The following VAV2 variants were observed in gnomAD, a reference collection of about 807,000 sequenced individuals.
VAV2 encodes vav guanine nucleotide exchange factor 2.
VAV2 carries 67 observed loss-of-function variants against 132.5 expected under a neutral mutation model. The ratio of observed to expected loss-of-function variants is 0.51; its 90% CI spans 0.42 to 0.62. VAV2 has a LOEUF of 0.62. Among genes scored for constraint, VAV2 ranks in the 20% least tolerant of loss-of-function variants. The probability of loss-of-function intolerance (pLI) is 0.00; values close to 1 mark genes in which losing one functional copy is unlikely to be tolerated. For missense variants in VAV2, 938 were observed against 1,153.6 expected, an observed-to-expected ratio of 0.81 and a Z score of 2.71; for synonymous variants, 492 against 443.5, an observed-to-expected ratio of 1.11 and a Z score of -1.37.
At chr9:133,803,240 C>A (rs1206509603) in intron 9 of VAV2, among the ~76,000 whole-genome samples, 2 of 152,188 alleles carry the variant, frequency 1.3e-5, no homozygotes, top group Non-Finnish European at 2.9e-5. Context: ...GCCTTCGTCT[C>A]GTTCTGTTCT....
chr9:133,915,452 T>C (rs1840042267), intron 2 of VAV2, among the ~76,000 whole-genome samples: 1 of 152,138 alleles, frequency 6.6e-6, no homozygotes, highest in Non-Finnish European at 1.5e-5. Flanking sequence ...TGAGGAAGTC[T>C]CTACTGAAAA....
Position 133,969,590 on chromosome 9 carries a change from T to C in VAV2, c.204+22485A>G, listed in dbSNP as rs1273192342. ...GCTGCTGGGAGAACCCAGACATCCC[T>C]GCAACCTTGGCCAGTGGGGGACTTG... On this transcript the variant is annotated intron_variant, in intron 1 of 29. Coordinates refer to ENST00000371850, the MANE Select transcript of VAV2 (RefSeq NM_001134398.2). The surrounding 1 kb of genome is among the most constrained non-coding windows in gnomAD (Gnocchi z 5.1). Among the ~76,000 whole-genome samples the C allele has an allele frequency of 1.3e-5, 2 of 152,084 alleles. No homozygotes were observed. The highest frequency in any genetic ancestry group is 4.8e-5 in the African/African-American group (2 of 41,398).
intron 2 of VAV2, among the ~76,000 whole-genome samples, chr9:133,880,375 T>C (rs1838443304): frequency 6.6e-6 from 1 of 152,124 alleles, no homozygotes; most frequent in African/African-American, 2.4e-5. Flanking sequence ...CATGAGATGA[T>C]AAAGGCGGGC....
intron 3 of VAV2, among the ~76,000 whole-genome samples, chr9:133,859,587 T>C (rs1837516483): frequency 6.6e-6 from 1 of 152,152 alleles, no homozygotes; most frequent in Non-Finnish European, 1.5e-5. Flanking sequence ...TGACTGATTT[T>C]TTGTTGCATG....
intron 2 of VAV2, among the ~76,000 whole-genome samples, chr9:133,933,705 T>TGATG: frequency 8.0e-6 from 1 of 125,114 alleles, no homozygotes; most frequent in East Asian, 2.8e-4. Context: ...GATGGATGGA[T>TGATG]GGTGAGTGGG....
chr9:133,875,692 C>G lies in VAV2; in HGVS notation c.322-14260G>C, dbSNP rs1160491178. 3.9e-5 allele frequency among the ~76,000 whole-genome samples: 6 copies of G among 152,348 alleles called. No homozygotes were observed. In the South Asian group the frequency reaches 6.2e-4, roughly 16 times the overall value. ...TGCTGAGAAACACCGCAGGAACACACGCGAGGCCCCCGCTCCAGTCCCCTC... is the reference window on the plus strand; with the variant it reads ...TGCTGAGAAACACCGCAGGAACACAGGCGAGGCCCCCGCTCCAGTCCCCTC... On this transcript the variant is annotated intron_variant, in intron 2 of 29. Coordinates refer to ENST00000371850, the MANE Select transcript of VAV2 (RefSeq NM_001134398.2).
intron 1 of VAV2, among the ~76,000 whole-genome samples, chr9:133,964,375 A>T (rs1047062213): frequency 4.0e-5 from 6 of 151,846 alleles, no homozygotes; most frequent in Non-Finnish European, 5.9e-5. Flanking sequence ...CATTTGTACA[A>T]ATATATACAC....
intron 2 of VAV2, among the ~76,000 whole-genome samples, chr9:133,927,076 CT>C (rs1199550255): frequency 6.6e-6 from 1 of 150,828 alleles, no homozygotes; most frequent in Non-Finnish European, 1.5e-5. Context: ...GAGTCCCCCC[CT>C]ACACATGCTC....
chr9:133,973,003 T>C (rs1158101026), intron 1 of VAV2, among the ~76,000 whole-genome samples: 1 of 152,048 alleles, frequency 6.6e-6, no homozygotes, highest in Non-Finnish European at 1.5e-5. Flanking sequence ...AGGAGGGCAC[T>C]GGGGAAGCCG....
At position 133,784,660 on chromosome 9, in the gene VAV2, G is replaced by A. The variant is rs151190307; in HGVS notation, c.1533-242C>T. ...TGCACTGGCCTGAGAGAACCTTCCAGGTGGGGACGGTGGTCTAAGGTCCTG... is the reference window on the plus strand; with the variant it reads ...TGCACTGGCCTGAGAGAACCTTCCAAGTGGGGACGGTGGTCTAAGGTCCTG... On this transcript the variant is annotated intron_variant, in intron 17 of 29. Transcript: ENST00000371850. 4.2e-3 allele frequency among the ~76,000 whole-genome samples: 644 copies of A among 152,374 alleles called. 3 individuals carry two copies. The highest frequency in any genetic ancestry group is 0.014 in the African/African-American group (576 of 41,592).
intron 4 of VAV2, among the ~76,000 whole-genome samples, chr9:133,830,770 T>C (rs1211841464): frequency 1.3e-5 from 2 of 152,146 alleles, no homozygotes; most frequent in African/African-American, 2.4e-5. Context: ...TTGTGTCTTG[T>C]AAATTGCCAT....
At chr9:133,944,495 A>G (rs1460829077) in intron 1 of VAV2, among the ~76,000 whole-genome samples, 1 of 152,200 alleles carries the variant, frequency 6.6e-6, no homozygotes, top group Non-Finnish European at 1.5e-5. Flanking sequence ...GTAATAGCAG[A>G]GCCTGACAAT....
rs1227885515 is a variant in VAV2 at position 133,919,896 on chromosome 9, C to A, written c.321+19207G>T. ...TCCGCGGAGCCCAGAGTCAGTTCTG[C>A]TGGACATACAGCGGCGGACCCAAGG... On this transcript the variant is annotated intron_variant, in intron 2 of 29. Coordinates refer to ENST00000371850, the MANE Select transcript of VAV2 (RefSeq NM_001134398.2). This position sits in a 1 kb window ranked among gnomAD's most constrained non-coding sequence, Gnocchi z 5.8. Among the ~76,000 whole-genome samples, 2 of 152,210 alleles carry A rather than the reference C, an allele frequency of 1.3e-5. No homozygotes were observed. Among genetic ancestry groups the A allele is most frequent in the Admixed American group, 1.3e-4 (2 of 15,290 alleles).
At chr9:133,893,442 C>A in intron 2 of VAV2, among the ~76,000 whole-genome samples, 1 of 152,334 alleles carries the variant, frequency 6.6e-6, no homozygotes, top group South Asian at 2.1e-4. Context: ...GAGGCCCTAG[C>A]GACAACTCTG....
At chr9:133,915,348 A>G (rs1038508406) in intron 2 of VAV2, among the ~76,000 whole-genome samples, 53 of 152,120 alleles carry the variant, frequency 3.5e-4, no homozygotes, top group African/African-American at 1.0e-3. Context: ...CCTCAACCTG[A>G]TATTTTCAAG....
intron 2 of VAV2, among the ~76,000 whole-genome samples, chr9:133,908,804 G>A (rs116881009): frequency 0.017 from 2,578 of 152,338 alleles, 29 homozygotes; most frequent in Middle Eastern, 0.024. Flanking sequence ...CCTCGGGAGC[G>A]GACTTCCAAC....
Position 133,857,501 on chromosome 9 carries a change from A to G in VAV2, c.380+3873T>C, listed in dbSNP as rs749829139. On this transcript the variant is annotated intron_variant, in intron 3 of 29. Coordinates refer to ENST00000371850, the MANE Select transcript of VAV2 (RefSeq NM_001134398.2). This position sits in a 1 kb window ranked among gnomAD's most constrained non-coding sequence, Gnocchi z 4.0. ...GAGCACGTTGGGCTCCTACCCAGCC[A>G]TGAAATGAGGGAGAGATTCTTCAGG... Among the ~76,000 whole-genome samples, 5 of 152,244 alleles carry G rather than the reference A, an allele frequency of 3.3e-5. No homozygotes were observed. The highest frequency in any genetic ancestry group is 7.3e-5 in the Non-Finnish European group (5 of 68,050).
intron 1 of VAV2, among the ~76,000 whole-genome samples, chr9:133,974,224 T>C (rs1345748152): frequency 2.0e-5 from 3 of 152,066 alleles, no homozygotes; most frequent in Non-Finnish European, 4.4e-5. Flanking sequence ...GCTGCCTGTC[T>C]GCCCGGAGCC....
At position 133,811,675 on chromosome 9, in the gene VAV2, A is replaced by G. The variant is rs140518948; in HGVS notation, c.552+439T>C. 2.0e-3 allele frequency among the ~76,000 whole-genome samples: 304 copies of G among 152,342 alleles called. 1 individual carries two copies. Among genetic ancestry groups the G allele is most frequent in the African/African-American group, 6.3e-3 (260 of 41,572 alleles). ...GACGCACAGCTGGCTAATTGGGCCA[A>G]TATTGGTCTCATCATTCTCCACACA... On this transcript the variant is annotated intron_variant, in intron 5 of 29. Transcript: ENST00000371850.
Sources: gnomAD v4.1 joint callset for allele counts (sites outside exome capture counted in the v4.1 genomes callset) on GRCh38, gnomAD v4.1.1 for gene constraint, Gnocchi (gnomAD v3.1) non-coding constraint, MANE v1.5 for transcripts, NCBI Gene and HGNC (gene_info 2026-07-23, HGNC 2026-07-21) for gene names.